The following TTN variants were observed in gnomAD, a reference collection of about 807,000 sequenced individuals.
The protein encoded by TTN is connectin.
A neutral mutation model predicts 3,223.0 loss-of-function variants in TTN; 1,525 were observed. That is an observed-to-expected ratio of 0.47 (90% CI 0.45 to 0.49). The LOEUF is 0.49. Among genes scored for constraint, TTN ranks in the 20% least tolerant of loss-of-function variants. The pLI is 0.00. For missense variants in TTN, 40,786 were observed against 43,424.0 expected (o/e 0.94, Z 5.40); for synonymous variants, 14,094 against 15,161.0 (o/e 0.93, Z 5.17).
In TTN at chr2:178,636,120, C is replaced by T. The variant is rs2154230414; in HGVS notation, c.41451G>A (p.Lys13817=). 1 of 1,613,206 alleles carries T rather than the reference C, an allele frequency of 6.2e-7. No individual in the cohort carries two copies. The highest frequency in any genetic ancestry group is 1.3e-5 in the African/African-American group (1 of 74,982). The change falls in exon 226 of 363, where the codon AAG becomes AAA. Residue 13817 remains lysine, a synonymous_variant. Coordinates refer to ENST00000589042, the MANE Select transcript of TTN (RefSeq NM_001267550.2). This position sits in a 1 kb window ranked among gnomAD's most constrained non-coding sequence, Gnocchi z 4.3. ...ERDVVWRKDG[K]IVVEKPGRIV... ...TTCGGCCAGGTTTCTCCACCACAAT[C>T]TTGCCATCCTTCCTCCAGACCACGT...
At position 178,634,289 on chromosome 2, in the gene TTN, G is replaced by A. The variant is rs1163488355; in HGVS notation, c.42415+77C>T. 1 of 1,539,992 alleles carries A rather than the reference G, an allele frequency of 6.5e-7. No individual in the cohort carries two copies. Among genetic ancestry groups the A allele is most frequent in the East Asian group, 2.3e-5 (1 of 43,718 alleles). ...TAGTGATGCATTATCACAGCTTTTA[G>A]AACTTGGCGTCCTATCTTTAAAGTC... On this transcript the variant is annotated intron_variant, in intron 230 of 362. Transcript: ENST00000589042. The surrounding 1 kb of genome is among the most constrained non-coding windows in gnomAD (Gnocchi z 4.6).
chr2:178,613,043 C>T lies in TTN; in HGVS notation c.49678G>A (p.Val16560Ile), dbSNP rs966629788. Residue 16560 changes from valine (V) to isoleucine (I), a missense_variant, in exon 265 of 363, where the codon GTA (valine) becomes ATA (isoleucine). Physicochemically the swap from Val to Ile is conservative, Grantham distance 29 (BLOSUM62 3). Transcript: ENST00000589042. ...ACTGATGTTTTGCCTACATCTTTTA[C>T]AGTTGGTTTTCCAGGGGGCCATGGA... ...DPPWPPGKPT[V>I]KDVGKTSVRL... The T allele has an allele frequency of 3.7e-6, 6 of 1,612,656 alleles. No individual in the cohort carries two copies. In the South Asian group the frequency reaches 6.6e-5, roughly 18 times the overall value.
intron 215 of TTN, 48 bp downstream of exon 215, chr2:178,647,016 G>A (rs1224631808): frequency 3.0e-6 from 2 of 677,728 alleles, no homozygotes; most frequent in Non-Finnish European, 4.1e-6. Context: ...ATTCTAACAG[G>A]AATCTTCAGG....
rs775049806 is a variant in TTN, at chr2:178,532,553, C to T, written c.104062G>A (p.Glu34688Lys). Residue 34688 changes from glutamate to lysine, a missense_variant, in exon 358 of 363, where the codon GAG (glutamate) becomes AAG (lysine). Coordinates refer to ENST00000589042, the MANE Select transcript of TTN (RefSeq NM_001267550.2). ...EERLRLEEEL[E>K]LGFSASPPSR... ...GGGGGTGAAGCTGAAAAACCTAACT[C>T]AAGCTCTTCTTCAAGACGCAGCCTC... is the stretch of plus-strand genomic sequence containing the variant. 6.2e-6 allele frequency: 10 copies of T among 1,613,952 alleles called. No homozygotes were observed. The South Asian group carries it at 1.1e-4, about 18-fold the overall frequency.
Position 178,537,654 on chromosome 2 carries a change from T to G in TTN, c.99553A>C (p.Ser33185Arg). 1 of 1,613,816 alleles carries G rather than the reference T, an allele frequency of 6.2e-7. No homozygotes were observed. The highest frequency in any genetic ancestry group is 1.3e-5 in the African/African-American group (1 of 75,046). Residue 33185 changes from serine (S) to arginine (R), a missense_variant, in exon 355 of 363, where the codon AGT (serine) becomes CGT (arginine). Transcript: ENST00000589042. ...ATNEVGEVETSSKLLLQATPQ... is the reference protein window; with the variant it reads ...ATNEVGEVETRSKLLLQATPQ... Reference sequence around the variant, plus strand: ...GTTGCTTGCAGGAGAAGCTTACTACTGGTTTCTACTTCTCCAACCTCATTG... The same window carrying G: ...GTTGCTTGCAGGAGAAGCTTACTACGGGTTTCTACTTCTCCAACCTCATTG...
At chr2:178,624,995 T>G (rs1576603951) in intron 241 of TTN, among the ~76,000 whole-genome samples, 1 of 151,938 alleles carries the variant, frequency 6.6e-6, no homozygotes, top group East Asian at 1.9e-4. Context: ...ATACCTAGCT[T>G]GATAATAATT....
rs757267029 is a variant in TTN, at chr2:178,589,965, G to A, written c.61760C>T (p.Thr20587Ile). 1 of 1,613,168 alleles carries A rather than the reference G, an allele frequency of 6.2e-7. No homozygotes were observed. Among genetic ancestry groups the A allele is most frequent in the Admixed American group, 1.7e-5 (1 of 59,950 alleles). Residue 20587 changes from threonine to isoleucine, a missense_variant, in exon 304 of 363, where the codon ACA becomes ATA. Transcript: ENST00000589042. ...ATCTAGTGGGTTTTCCCAAGAAATT[G>A]TACAGTTCTCTTTGGTTACATTGGT... ...KVTNVTKENC[T>I]ISWENPLDNG...
chr2:178,674,737 G>C (rs777972161), intron 150 of TTN, among the ~76,000 whole-genome samples: 15 of 151,474 alleles, frequency 9.9e-5, no homozygotes, highest in Non-Finnish European at 1.9e-4. Flanking sequence ...TCTTGGATAA[G>C]CTTATTTTAC....
chr2:178,697,753 GGATATA>G (rs2073983402), intron 112 of TTN, among the ~76,000 whole-genome samples: 1 of 152,064 alleles, frequency 6.6e-6, no homozygotes, highest in Non-Finnish European at 1.5e-5. Context: ...AAATCTTCGA[GGATATA>G]TTGAAAGTTA....
chr2:178,731,590 G>C lies in TTN; in HGVS notation c.17183-7C>G. On this transcript the variant is annotated splice_region_variant and splice_polypyrimidine_tract_variant and intron_variant, in intron 58 of 362. Transcript: ENST00000589042. ...TTTATGAAGGATGGGGGTTCTAACA[G>C]AAGAATGAATTCTCAATCAATATTA... 1 of 1,585,962 alleles carries C rather than the reference G, an allele frequency of 6.3e-7. No individual in the cohort carries two copies. The highest frequency in any genetic ancestry group is 8.6e-7 in the Non-Finnish European group (1 of 1,166,092).
chr2:178,795,205 A>G lies in TTN; in HGVS notation c.962T>C (p.Val321Ala). 1 of 1,614,118 alleles carries G rather than the reference A, an allele frequency of 6.2e-7. No homozygotes were observed. The highest frequency in any genetic ancestry group is 8.5e-7 in the Non-Finnish European group (1 of 1,180,004). ...CTTACGCATGAGCAATGGAGACCTA[A>G]CAGACCTGATGGGGGATGTGGAGAT... ...ARISTSPIRS[V>A]RSPLLMRKTQ... Residue 321 changes from valine to alanine, a missense_variant, in exon 7 of 363, where the codon GTT becomes GCT. Transcript: ENST00000589042.
In TTN at chr2:178,652,190, T is replaced by C. The variant is rs1472618120; in HGVS notation, c.39212-11A>G. ...TTGGCACCTCTGGGACTTTAAAAGATATTATTATTTTCATTGTTAGACAAA... is the reference window on the plus strand; with the variant it reads ...TTGGCACCTCTGGGACTTTAAAAGACATTATTATTTTCATTGTTAGACAAA... On this transcript the variant is annotated splice_polypyrimidine_tract_variant and intron_variant, in intron 203 of 362. Transcript: ENST00000589042. 1 of 1,611,978 alleles carries C rather than the reference T, an allele frequency of 6.2e-7. No homozygotes were observed. The highest frequency in any genetic ancestry group is 1.3e-5 in the African/African-American group (1 of 74,854).
Position 178,733,810 on chromosome 2 carries a change from C to A in TTN, c.15579G>T (p.Gly5193=). ...TCCATGTGACAGAAATGGGCTCTGA[C>A]CCTCTCACAGCAGCTTGCAGGGTAA... The part of the protein sequence containing the change: ...QTVTLQAAVR[G]SEPISVTWMK... Residue 5193 remains glycine (G), a synonymous_variant, in exon 53 of 363, where the codon GGG becomes GGT. Coordinates refer to ENST00000589042, the MANE Select transcript of TTN (RefSeq NM_001267550.2). 1 of 1,613,782 alleles carries A rather than the reference C, an allele frequency of 6.2e-7. No homozygotes were observed. The highest frequency in any genetic ancestry group is 1.3e-5 in the African/African-American group (1 of 75,028).
Position 178,551,049 on chromosome 2 carries a change from G to C in TTN, c.91482C>G (p.Phe30494Leu). Residue 30494 changes from phenylalanine to leucine, a missense_variant, in exon 336 of 363, where the codon TTC becomes TTG. Coordinates refer to ENST00000589042, the MANE Select transcript of TTN (RefSeq NM_001267550.2). ...TGLSPGDRYE[F>L]RIIARNAVGT... ...CAACAGCATTTCTTGCAATTATTCT[G>C]AACTCATAGCGATCCCCAGGACTGA... The C allele has an allele frequency of 6.2e-7, 1 of 1,613,326 alleles. No homozygotes were observed. The highest frequency in any genetic ancestry group is 8.5e-7 in the Non-Finnish European group (1 of 1,179,592).
chr2:178,766,264 A>T, intron 41 of TTN, 117 bp downstream of exon 41: 1 of 836,006 alleles, frequency 1.2e-6, no homozygotes, highest in Non-Finnish European at 2.0e-6. Context: ...AGCTGGAACC[A>T]CATGAATACC....
At position 178,537,408 on chromosome 2, in the gene TTN, T is replaced by C; in HGVS notation, c.99799A>G (p.Lys33267Glu). The C allele has an allele frequency of 6.2e-7, 1 of 1,609,648 alleles. No homozygotes were observed. Among genetic ancestry groups the C allele is most frequent in the Non-Finnish European group, 8.5e-7 (1 of 1,176,776 alleles). The change falls in exon 355 of 363, where the codon AAA becomes GAA. Residue 33267 changes from lysine (K) to glutamate (E), a missense_variant. Lys to Glu is a moderately conservative substitution (Grantham distance 56, BLOSUM62 1). Transcript: ENST00000589042. ...KNVQRKTHAG[K>E]YKVQLSNVFG... ...ACATTGCTGAGCTGGACTTTGTATT[T>C]CCCAGCATGAGTCTTACGTTGGACA...
Position 178,578,659 on chromosome 2 carries a change from A to C in TTN, c.68281T>G (p.Ser22761Ala), listed in dbSNP as rs2047006376. ...TTCTTGGGGTCAGTCCAAGTTAGAG[A>C]TACTGAATCGTGTCTGACATCCACA... The part of the protein sequence containing the change: ...NIVDVRHDSV[S>A]LTWTDPKKTG... Residue 22761 changes from serine to alanine, a missense_variant, in exon 321 of 363, where the codon TCT (serine) becomes GCT (alanine). Ser to Ala is a moderately conservative substitution (Grantham distance 99). Coordinates refer to ENST00000589042, the MANE Select transcript of TTN (RefSeq NM_001267550.2). The C allele has an allele frequency of 6.2e-7, 1 of 1,612,104 alleles. No homozygotes were observed. Among genetic ancestry groups the C allele is most frequent in the Non-Finnish European group, 8.5e-7 (1 of 1,179,126 alleles).
rs770842778 is a variant in TTN at position 178,745,921 on chromosome 2, T to C, written c.11312-4000A>G. The C allele has an allele frequency of 4.4e-6, 7 of 1,609,108 alleles. No homozygotes were observed. The South Asian group carries it at 7.7e-5, about 18-fold the overall frequency. On this transcript the variant is annotated intron_variant, in intron 47 of 362. Coordinates refer to ENST00000589042, the MANE Select transcript of TTN (RefSeq NM_001267550.2). ...CTGTGTAGTTGCTCTTTAAGACCAA[T>C]TCTTCCATTAAACTGCTTAAAGTCA...
intron 33 of TTN, among the ~76,000 whole-genome samples, chr2:178,772,447 T>A (rs2091670287): frequency 6.6e-6 from 1 of 152,200 alleles, no homozygotes; most frequent in South Asian, 2.1e-4. Context: ...CTTCTAGTTT[T>A]TTCTGGCAAT....
Sources: allele counts gnomAD v4.1 joint callset (sites outside exome capture counted in the v4.1 genomes callset), GRCh38; gene constraint gnomAD v4.1.1; non-coding constraint Gnocchi (gnomAD v3.1); transcripts MANE v1.5; gene names NCBI Gene and HGNC (gene_info 2026-07-23, HGNC 2026-07-21).